The following PDZRN4 variants were observed in gnomAD, a reference collection of about 807,000 sequenced individuals.
The protein encoded by PDZRN4 is PDZ domain containing ring finger 4.
A neutral mutation model predicts 99.0 loss-of-function variants in PDZRN4; 70 were observed. The ratio of observed to expected loss-of-function variants is 0.71; its 90% CI spans 0.58 to 0.86. PDZRN4 has a LOEUF of 0.86. PDZRN4 is among the 40% of genes least tolerant of loss of function. The pLI is 0.00. For synonymous variants in PDZRN4, 551 were observed against 501.6 expected, an observed-to-expected ratio of 1.10 and a Z score of -1.32; for missense variants, 1,474 against 1,331.2, an observed-to-expected ratio of 1.11 and a Z score of -1.67.
At chr12:41,398,318 G>A (rs1282279696) in intron 3 of PDZRN4, among the ~76,000 whole-genome samples, 1 of 152,016 alleles carries the variant, frequency 6.6e-6, no homozygotes, top group Non-Finnish European at 1.5e-5. Flanking sequence ...AAGGTGACTG[G>A]GAAACTATGG....
At chr12:41,250,368 A>G (rs748413363) in intron 3 of PDZRN4, among the ~76,000 whole-genome samples, 2 of 152,160 alleles carry the variant, frequency 1.3e-5, no homozygotes, top group Non-Finnish European at 2.9e-5. Context: ...TGATTATTCC[A>G]CCACCATCTT....
intron 3 of PDZRN4, among the ~76,000 whole-genome samples, chr12:41,225,704 A>C (rs1950989321): frequency 6.6e-6 from 1 of 152,102 alleles, no homozygotes; most frequent in African/African-American, 2.4e-5. Flanking sequence ...GGGATCTAGA[A>C]ACTTTATCCC....
intron 3 of PDZRN4, among the ~76,000 whole-genome samples, chr12:41,401,280 A>G (rs1279978628): frequency 6.6e-6 from 1 of 152,170 alleles, no homozygotes; most frequent in East Asian, 1.9e-4. Context: ...TTCAGGAAAC[A>G]ATGAATGTCT....
intron 3 of PDZRN4, among the ~76,000 whole-genome samples, chr12:41,245,544 T>C (rs1825339550): frequency 6.6e-6 from 1 of 152,160 alleles, no homozygotes; most frequent in African/African-American, 2.4e-5. Flanking sequence ...ATACCTAGGA[T>C]TGGCTTCAAA....
At chr12:41,351,123 C>T (rs1274311468) in intron 3 of PDZRN4, among the ~76,000 whole-genome samples, 1 of 152,078 alleles carries the variant, frequency 6.6e-6, no homozygotes, top group Non-Finnish European at 1.5e-5. Flanking sequence ...AAATATATGA[C>T]TTGAGTTTTA....
At chr12:41,446,470 T>G (rs972035555) in intron 3 of PDZRN4, among the ~76,000 whole-genome samples, 3 of 151,964 alleles carry the variant, frequency 2.0e-5, no homozygotes, top group African/African-American at 7.2e-5. Context: ...AGACCACTAT[T>G]GTAATCAGTG....
intron 3 of PDZRN4, among the ~76,000 whole-genome samples, chr12:41,242,381 A>G (rs566979925): frequency 1.7e-4 from 26 of 152,284 alleles, no homozygotes; most frequent in African/African-American, 6.3e-4. Context: ...TGATGATTTG[A>G]ACATTTACAA....
chr12:41,216,258 T>G (rs1432914796), intron 3 of PDZRN4, among the ~76,000 whole-genome samples: 1 of 151,970 alleles, frequency 6.6e-6, no homozygotes, highest in African/African-American at 2.4e-5. Flanking sequence ...ATATAGATGT[T>G]TAAAAAGAGG....
chr12:41,209,021 T>TTG (rs371402188), intron 3 of PDZRN4, among the ~76,000 whole-genome samples: 1 of 151,612 alleles, frequency 6.6e-6, no homozygotes, highest in Non-Finnish European at 1.5e-5. Flanking sequence ...CTGTGTGTAT[T>TTG]TGTGTGTGTG....
At chr12:41,343,813 A>G (rs1951834417) in intron 3 of PDZRN4, among the ~76,000 whole-genome samples, 1 of 151,682 alleles carries the variant, frequency 6.6e-6, no homozygotes, top group Non-Finnish European at 1.5e-5. Context: ...TCATTATACA[A>G]CATATATATA....
intron 5 of PDZRN4, among the ~76,000 whole-genome samples, chr12:41,515,355 G>A (rs1420401738): frequency 1.3e-5 from 2 of 151,928 alleles, no homozygotes; most frequent in East Asian, 1.9e-4. Flanking sequence ...TCTTCCGCTT[G>A]TTAGTCACAT....
At chr12:41,416,185 A>G (rs1952443989) in intron 3 of PDZRN4, among the ~76,000 whole-genome samples, 1 of 152,216 alleles carries the variant, frequency 6.6e-6, no homozygotes, top group South Asian at 2.1e-4. Flanking sequence ...ATTTATGTTC[A>G]TATTTGTTCC....
chr12:41,205,438 C>G (rs1182171167), intron 3 of PDZRN4, among the ~76,000 whole-genome samples: 1 of 151,946 alleles, frequency 6.6e-6, no homozygotes, highest in Non-Finnish European at 1.5e-5. Context: ...CTCTGGCACT[C>G]CTATATAAAT....
chr12:41,262,471 G>GC (rs1245422081), intron 3 of PDZRN4, among the ~76,000 whole-genome samples: 1 of 152,084 alleles, frequency 6.6e-6, no homozygotes, highest in Non-Finnish European at 1.5e-5. Flanking sequence ...AGTAAGTGAG[G>GC]GAGCTGGAAA....
At chr12:41,260,770 A>G (rs2120829943) in intron 3 of PDZRN4, among the ~76,000 whole-genome samples, 1 of 152,262 alleles carries the variant, frequency 6.6e-6, no homozygotes, top group Non-Finnish European at 1.5e-5. Flanking sequence ...CTTGTGTACA[A>G]TTGAAGTCAT....
intron 3 of PDZRN4, among the ~76,000 whole-genome samples, chr12:41,402,847 A>T (rs1226014885): frequency 6.6e-6 from 1 of 151,766 alleles, no homozygotes; most frequent in Non-Finnish European, 1.5e-5. Context: ...TCAGCGTCTT[A>T]TGTCTTATTT....
intron 7 of PDZRN4, among the ~76,000 whole-genome samples, chr12:41,561,012 C>T (rs954278725): frequency 1.3e-5 from 2 of 152,120 alleles, no homozygotes; most frequent in African/African-American, 4.8e-5. Flanking sequence ...AGTGTTTCTG[C>T]AAGAAATGAT....
chr12:41,360,157 A>G (rs183445892), intron 3 of PDZRN4, among the ~76,000 whole-genome samples: 283 of 152,110 alleles, frequency 1.9e-3, no homozygotes, highest in South Asian at 6.6e-3. Flanking sequence ...GTACTCCTCC[A>G]TAATACCTAG....
At chr12:41,431,593 C>T (rs1952586471) in intron 3 of PDZRN4, among the ~76,000 whole-genome samples, 1 of 152,220 alleles carries the variant, frequency 6.6e-6, no homozygotes, top group African/African-American at 2.4e-5. Context: ...TACAAGCCCA[C>T]ACAGGTGACA....
Sources: allele counts gnomAD v4.1 joint callset (sites outside exome capture counted in the v4.1 genomes callset), GRCh38; gene constraint gnomAD v4.1.1; transcripts MANE v1.5; gene names NCBI Gene and HGNC (gene_info 2026-07-23, HGNC 2026-07-21).